Variants in BNC2 observed in about 807,000 individuals in gnomAD.
BNC2 encodes the protein basonuclin zinc finger protein 2.
A neutral mutation model predicts 76.3 loss-of-function variants in BNC2; 20 were observed. That is an observed-to-expected ratio of 0.26 (90% confidence interval 0.18 to 0.38). The LOEUF is 0.38. Ranked by LOEUF, BNC2 falls within the 10% of genes least tolerant of loss-of-function variation. The pLI, the probability that BNC2 is intolerant of heterozygous loss-of-function variation, is 1.00. For synonymous variants in BNC2, 582 were observed against 514.8 expected (o/e 1.13, Z -1.77); for missense variants, 1,382 against 1,399.8 (o/e 0.99, Z 0.20).
intron 3 of BNC2, among the ~76,000 whole-genome samples, chr9:16,695,700 C>T (rs1414480124): frequency 6.6e-6 from 1 of 151,946 alleles, no homozygotes; most frequent in African/African-American, 2.4e-5. Context: ...CACGCATTCT[C>T]GTTAAGTGAC....
intron 3 of BNC2, among the ~76,000 whole-genome samples, chr9:16,637,553 T>C (rs1454045730): frequency 6.6e-6 from 1 of 152,230 alleles, no homozygotes; most frequent in Admixed American, 6.5e-5. Flanking sequence ...TCTGGCTTTA[T>C]CATGCTAATT....
At chr9:16,795,428 C>T (rs1464500006) in intron 1 of BNC2, among the ~76,000 whole-genome samples, 2 of 150,748 alleles carry the variant, frequency 1.3e-5, no homozygotes, top group African/African-American at 2.4e-5. Context: ...ATTGCAATAC[C>T]GGAAACATTG....
intron 4 of BNC2, among the ~76,000 whole-genome samples, chr9:16,557,735 C>T (rs968206362): frequency 1.3e-5 from 2 of 151,896 alleles, no homozygotes; most frequent in African/African-American, 4.8e-5. Context: ...GAGTTGATAC[C>T]AATTTTTTGC....
intron 5 of BNC2, among the ~76,000 whole-genome samples, chr9:16,457,309 GACTA>G (rs964698952): frequency 8.5e-5 from 13 of 152,166 alleles, no homozygotes; most frequent in African/African-American, 3.1e-4. Flanking sequence ...GTTTTGGGGG[GACTA>G]ACTTACTTAG....
chr9:16,702,232 G>A (rs569034180), intron 3 of BNC2, among the ~76,000 whole-genome samples: 3 of 152,226 alleles, frequency 2.0e-5, no homozygotes, highest in African/African-American at 7.2e-5. Flanking sequence ...ATGATTATAA[G>A]TAGATTTTCA....
chr9:16,684,045 T>A (rs1398622719), intron 3 of BNC2, among the ~76,000 whole-genome samples: 3 of 152,224 alleles, frequency 2.0e-5, no homozygotes, highest in Non-Finnish European at 4.4e-5. Flanking sequence ...TATAACATTT[T>A]CTACATTTTC....
At chr9:16,846,019 G>A (rs370659687) in intron 1 of BNC2, among the ~76,000 whole-genome samples, 11 of 151,048 alleles carry the variant, frequency 7.3e-5, no homozygotes, top group Non-Finnish European at 1.3e-4. Flanking sequence ...CCGCGGTGGC[G>A]GGCACCTGCA....
chr9:16,870,550 G>C (rs931626368), intron 1 of BNC2, 96 bp downstream of exon 1: 86 of 1,446,358 alleles, frequency 5.9e-5, no homozygotes, highest in Non-Finnish European at 7.9e-5. Flanking sequence ...CCGGAGGGCG[G>C]ACACGGCCCC....
chr9:16,681,974 A>C (rs1009555259), intron 3 of BNC2, among the ~76,000 whole-genome samples: 1 of 152,020 alleles, frequency 6.6e-6, no homozygotes, highest in Non-Finnish European at 1.5e-5. Flanking sequence ...TGGTCCACTT[A>C]GACTGCTCTA....
At chr9:16,538,579 C>T (rs1214773984) in intron 5 of BNC2, among the ~76,000 whole-genome samples, 1 of 152,090 alleles carries the variant, frequency 6.6e-6, no homozygotes, top group Non-Finnish European at 1.5e-5. Flanking sequence ...ATTAACTTGT[C>T]GAAACATTTT....
At chr9:16,746,324 A>AGCC (rs1825002023) in intron 1 of BNC2, among the ~76,000 whole-genome samples, 1 of 151,972 alleles carries the variant, frequency 6.6e-6, no homozygotes, top group Non-Finnish European at 1.5e-5. Context: ...AGAGCCCCCC[A>AGCC]CATTTAACCC....
chr9:16,620,586 C>G (rs1251343150), intron 3 of BNC2, among the ~76,000 whole-genome samples: 2 of 152,104 alleles, frequency 1.3e-5, no homozygotes, highest in Admixed American at 1.3e-4. Context: ...TGGAAGCAAA[C>G]CATGTGACAC....
intron 5 of BNC2, among the ~76,000 whole-genome samples, chr9:16,452,201 A>T (rs1370780321): frequency 6.6e-6 from 1 of 152,236 alleles, no homozygotes; most frequent in African/African-American, 2.4e-5. Context: ...TTTCCCCTGC[A>T]AGTACCAGTA....
chr9:16,500,096 C>G (rs1822486962), intron 5 of BNC2, among the ~76,000 whole-genome samples: 1 of 152,022 alleles, frequency 6.6e-6, no homozygotes, highest in Non-Finnish European at 1.5e-5. Context: ...GCAGCCCAGC[C>G]CACTGGCTGA....
chr9:16,466,017 G>A (rs1001970812), intron 5 of BNC2, among the ~76,000 whole-genome samples: 1 of 120,390 alleles, frequency 8.3e-6, no homozygotes, highest in Non-Finnish European at 1.7e-5. Flanking sequence ...AAAATCACAA[G>A]CATTCTTATA....
chr9:16,506,668 G>A (rs1822634634), intron 5 of BNC2, among the ~76,000 whole-genome samples: 1 of 151,620 alleles, frequency 6.6e-6, no homozygotes, highest in African/African-American at 2.4e-5. Flanking sequence ...TGGGATTACA[G>A]TCACCCGCCA....
At chr9:16,542,046 G>T (rs974919806) in intron 5 of BNC2, among the ~76,000 whole-genome samples, 1 of 151,952 alleles carries the variant, frequency 6.6e-6, no homozygotes, top group African/African-American at 2.4e-5. Context: ...AATAAAAATA[G>T]AAAATACAGT....
intron 3 of BNC2, among the ~76,000 whole-genome samples, chr9:16,701,387 C>G (rs1160735620): frequency 1.3e-5 from 2 of 152,164 alleles, no homozygotes; most frequent in African/African-American, 4.8e-5. Flanking sequence ...ATTTCTTCAT[C>G]TGTAAAATGA....
chr9:16,639,890 C>T (rs1821440358), intron 3 of BNC2, among the ~76,000 whole-genome samples: 1 of 152,002 alleles, frequency 6.6e-6, no homozygotes, highest in Non-Finnish European at 1.5e-5. Context: ...CCACTACATT[C>T]TAGCCTGGGC....
Sources: gnomAD v4.1 joint callset for allele counts (sites outside exome capture counted in the v4.1 genomes callset) on GRCh38, gnomAD v4.1.1 for gene constraint, MANE v1.5 for transcripts, NCBI Gene and HGNC (gene_info 2026-07-23, HGNC 2026-07-21) for gene names.